AKAP9: variants seen among roughly 807,000 people sequenced by gnomAD.
AKAP9 encodes the protein A-kinase anchor protein 9.
A neutral mutation model predicts 488.5 loss-of-function variants in AKAP9; 311 were observed. The observed-to-expected ratio is 0.64, with a 90% CI of 0.58 to 0.70. The LOEUF (loss-of-function observed/expected upper bound fraction) is 0.70, where lower values mean the gene tolerates loss of function less well. Among genes scored for constraint, AKAP9 ranks in the 30% least tolerant of loss-of-function variants. AKAP9 has a pLI of 0.00. For missense variants in AKAP9, 4,215 were observed against 4,374.5 expected (o/e 0.96, Z 1.03); for synonymous variants, 1,462 against 1,483.5 (o/e 0.99, Z 0.33).
intron 1 of AKAP9, among the ~76,000 whole-genome samples, chr7:91,961,648 T>C (rs1793744984): frequency 6.6e-6 from 1 of 151,672 alleles, no homozygotes; most frequent in Non-Finnish European, 1.5e-5. Flanking sequence ...ATTGAGACCA[T>C]CCTAGCTAAC....
At chr7:91,953,900 TA>T (rs1792607084) in intron 1 of AKAP9, among the ~76,000 whole-genome samples, 1 of 148,400 alleles carries the variant, frequency 6.7e-6, no homozygotes, top group Admixed American at 6.9e-5. Flanking sequence ...AATGAAGTAG[TA>T]AAAACCATTA....
chr7:92,070,877 T>G (rs568952702), intron 27 of AKAP9, 28 bp from the exon 28 acceptor site: 93 of 1,510,184 alleles, frequency 6.2e-5, no homozygotes, highest in Non-Finnish European at 8.0e-5. Flanking sequence ...ATTTATCAAA[T>G]TTTGAGAAAA....
rs750540250 is a variant in AKAP9 at position 92,002,598 on chromosome 7, A to G, written c.2681A>G (p.Lys894Arg). The change falls in exon 8 of 50, where the codon AAA (lysine) becomes AGA (arginine). Residue 894 changes from lysine to arginine, a missense_variant. Physicochemically the swap from Lys to Arg is conservative, Grantham distance 26. Around this residue, in one of 5 missense-constraint regions of AKAP9, gnomAD observed 2,361 missense variants for 2,430.0 expected, o/e 0.97. Coordinates refer to ENST00000356239, the MANE Select transcript of AKAP9 (RefSeq NM_005751.5). ...KQELEYKSKL[K>R]ALNEELHLQR... Reference sequence around the variant, plus strand: ...GAATTAGAGTATAAAAGTAAACTTAAAGCACTTAATGAAGAGCTTCATTTG... The same window carrying G: ...GAATTAGAGTATAAAAGTAAACTTAGAGCACTTAATGAAGAGCTTCATTTG... 1.9e-6 allele frequency: 3 copies of G among 1,610,976 alleles called. No homozygotes were observed.
chr7:92,020,703 A>G (rs906799575), intron 12 of AKAP9, among the ~76,000 whole-genome samples: 5 of 152,172 alleles, frequency 3.3e-5, no homozygotes, highest in African/African-American at 9.7e-5. Context: ...CAGTGTTAGC[A>G]TACAGTAAAG....
At chr7:92,025,315 C>T (rs1802940963) in intron 14 of AKAP9, among the ~76,000 whole-genome samples, 1 of 152,180 alleles carries the variant, frequency 6.6e-6, no homozygotes, top group African/African-American at 2.4e-5. Context: ...AGCTCACCAC[C>T]CTCTCTCAGA....
chr7:91,969,398 A>G (rs536171498), intron 1 of AKAP9, among the ~76,000 whole-genome samples: 1 of 152,210 alleles, frequency 6.6e-6, no homozygotes, highest in African/African-American at 2.4e-5. Context: ...AGTTGGGTGA[A>G]ATGTTCTGTA....
chr7:92,000,233 G>A (rs952201813), intron 7 of AKAP9, among the ~76,000 whole-genome samples: 1 of 152,202 alleles, frequency 6.6e-6, no homozygotes, highest in African/African-American at 2.4e-5. Flanking sequence ...AAGTTGTTAT[G>A]CCATAAATGG....
intron 16 of AKAP9, among the ~76,000 whole-genome samples, chr7:92,033,330 A>G (rs10231636): frequency 0.023 from 3,536 of 152,174 alleles, 158 homozygotes; most frequent in African/African-American, 0.081. Context: ...TGGTCCTAGA[A>G]TAATATAGAT....
chr7:92,056,735 G>A (rs1295215986), intron 22 of AKAP9, among the ~76,000 whole-genome samples: 1 of 151,874 alleles, frequency 6.6e-6, no homozygotes, highest in African/African-American at 2.4e-5. Context: ...TCTACCTACT[G>A]TGAAATGGTT....
chr7:92,080,749 C>A (rs1813407281), intron 31 of AKAP9, among the ~76,000 whole-genome samples: 1 of 152,144 alleles, frequency 6.6e-6, no homozygotes, highest in Admixed American at 6.5e-5. Flanking sequence ...TATTTATAGA[C>A]AGAACTACCA....
At chr7:92,062,141 C>T in intron 23 of AKAP9, 133 bp from the exon 24 acceptor site, 1 of 762,828 alleles carries the variant, frequency 1.3e-6, no homozygotes. Context: ...GCAGCAAATT[C>T]ATTCAAGACT....
chr7:92,002,004 T>G lies in AKAP9; in HGVS notation c.2087T>G (p.Ile696Ser). ...DNLITKQNQL[I>S]LEISKLKDLQ... ...TTGATAACTAAGCAGAATCAATTAA[T>G]TTTGGAAATTTCAAAGCTAAAAGAT... Residue 696 changes from isoleucine to serine, a missense_variant, in exon 8 of 50, where the codon ATT becomes AGT. Around this residue, in one of 5 missense-constraint regions of AKAP9, gnomAD observed 2,361 missense variants for 2,430.0 expected, o/e 0.97. Coordinates refer to ENST00000356239, the MANE Select transcript of AKAP9 (RefSeq NM_005751.5). The G allele has an allele frequency of 6.2e-7, 1 of 1,611,518 alleles. No homozygotes were observed. The highest frequency in any genetic ancestry group is 1.1e-5 in the South Asian group (1 of 90,186).
At chr7:92,029,119 C>CT (rs143071690) in intron 14 of AKAP9, among the ~76,000 whole-genome samples, 5,057 of 147,574 alleles carry the variant, frequency 0.034, 293 homozygotes, top group African/African-American at 0.12. Flanking sequence ...TAATTTGCTC[C>CT]TTTTTTTTTT....
Position 92,096,993 on chromosome 7 carries a change from T to C in AKAP9, c.10034T>C (p.Leu3345Pro). 1 of 1,614,154 alleles carries C rather than the reference T, an allele frequency of 6.2e-7. No homozygotes were observed. Among genetic ancestry groups the C allele is most frequent in the Non-Finnish European group, 8.5e-7 (1 of 1,180,000 alleles). Residue 3345 changes from leucine to proline, a missense_variant, in exon 41 of 50, where the codon CTG becomes CCG. Around this residue, in one of 5 missense-constraint regions of AKAP9, gnomAD observed 1,476 missense variants for 1,477.4 expected, o/e 1.00. Transcript: ENST00000356239. Reference protein sequence around the residue: ...SRPPLPSEDLLKELQKQLEEK... With the variant: ...SRPPLPSEDLPKELQKQLEEK... ...CCACCCTTGCCCTCAGAGGACCTAC[T>C]GAAAGAGCTGCAGAAACAGCTAGAG...
rs1173427482 is a variant in AKAP9 at position 92,110,340 on chromosome 7, T to G, written c.*181T>G. ...CTGGAATTTGTATATATAAGCATTG[T>G]GTATGTATTCATGCACAATAATTAT... On this transcript the variant is annotated 3_prime_UTR_variant, in exon 50 of 50. Coordinates refer to ENST00000356239, the MANE Select transcript of AKAP9 (RefSeq NM_005751.5). 1 of 594,346 alleles carries G rather than the reference T, an allele frequency of 1.7e-6. No homozygotes were observed. The highest frequency in any genetic ancestry group is 3.0e-6 in the Non-Finnish European group (1 of 333,622). 36.8% of individuals were successfully genotyped at this position (594,346 alleles called of 1,614,324 possible).
intron 8 of AKAP9, among the ~76,000 whole-genome samples, chr7:92,011,482 T>C (rs1237900308): frequency 1.3e-5 from 2 of 152,168 alleles, no homozygotes; most frequent in Non-Finnish European, 2.9e-5. Context: ...CTTCCAGTCA[T>C]AATTACAAGG....
chr7:92,091,512 G>C (rs2130887821), intron 38 of AKAP9, among the ~76,000 whole-genome samples: 1 of 151,000 alleles, frequency 6.6e-6, no homozygotes, highest in East Asian at 2.0e-4. Context: ...TCTGAACTTA[G>C]GAGGCAGAGG....
At chr7:92,056,792 G>C (rs984352949) in intron 22 of AKAP9, among the ~76,000 whole-genome samples, 1 of 151,864 alleles carries the variant, frequency 6.6e-6, no homozygotes, top group African/African-American at 2.4e-5. Flanking sequence ...CTGTAGAATG[G>C]ATTTGTGTTG....
intron 17 of AKAP9, among the ~76,000 whole-genome samples, chr7:92,039,961 A>C (rs1397434961): frequency 1.3e-5 from 2 of 152,168 alleles, no homozygotes; most frequent in Non-Finnish European, 2.9e-5. Flanking sequence ...GGTGACACCA[A>C]GACTCCCTCT....
Sources: allele counts gnomAD v4.1 joint callset (sites outside exome capture counted in the v4.1 genomes callset), GRCh38; gene constraint gnomAD v4.1.1; regional missense constraint gnomAD v4.1.1; transcripts MANE v1.5; gene names NCBI Gene and HGNC (gene_info 2026-07-23, HGNC 2026-07-21).